RGS7: variants seen among roughly 807,000 people sequenced by gnomAD.
RGS7 encodes the protein regulator of G protein signaling 7, also known as regulator of G-protein signaling 7.
Under a neutral mutation model 81.1 loss-of-function variants are expected in RGS7, and 27 were observed. That is an observed-to-expected ratio of 0.33 (90% confidence interval 0.25 to 0.46). The LOEUF (loss-of-function observed/expected upper bound fraction) is 0.46, where lower values mean the gene tolerates loss of function less well. Ranked by LOEUF, RGS7 falls within the 20% of genes least tolerant of loss-of-function variation. The pLI is 1.00. For missense variants in RGS7, 396 were observed against 607.4 expected (o/e 0.65, Z 3.66); for synonymous variants, 208 against 207.7 (o/e 1.00, Z -0.01).
In RGS7 at chr1:241,196,488, G is replaced by A. The variant is rs866380661; in HGVS notation, c.79-97726C>T. Among the ~76,000 whole-genome samples the A allele has an allele frequency of 2.0e-4, 30 of 152,058 alleles. 1 individual carries two copies. The highest frequency in any genetic ancestry group is 6.8e-3 in the Middle Eastern group (2 of 292). On this transcript the variant is annotated intron_variant, in intron 2 of 18. Coordinates refer to ENST00000440928, the MANE Select transcript of RGS7 (RefSeq NM_001364886.1). ...AAAAATATTTGACCAGCTAACAAGA[G>A]GGAAAGAAAAACCAGACAGTGCACA...
At chr1:240,825,113 A>G (rs1252517671) in intron 10 of RGS7, among the ~76,000 whole-genome samples, 3 of 152,188 alleles carry the variant, frequency 2.0e-5, no homozygotes, top group African/African-American at 7.2e-5. Context: ...TCATATACTT[A>G]TATCCATGTA....
At position 241,316,390 on chromosome 1, in the gene RGS7, T is replaced by C. The variant is rs531850282; in HGVS notation, c.78+39309A>G. ...AGGATGGGGCTGAAAGTCCCTACCT[T>C]CTAATCATGCCTTGGTCTTTCCAGT... On this transcript the variant is annotated intron_variant, in intron 2 of 18. Transcript: ENST00000440928. Among the ~76,000 whole-genome samples, 213 of 152,280 alleles carry C rather than the reference T, an allele frequency of 1.4e-3. 2 individuals are homozygous for C. The highest frequency in any genetic ancestry group is 1.9e-4 in the Non-Finnish European group (13 of 68,030).
intron 2 of RGS7, among the ~76,000 whole-genome samples, chr1:241,130,746 GCATT>G (rs2067019541): frequency 7.4e-6 from 1 of 134,312 alleles, no homozygotes; most frequent in African/African-American, 4.0e-5. Flanking sequence ...ACTTCCCTGA[GCATT>G]GCTTTCTTAT....
chr1:241,171,745 A>C (rs1032299120), intron 2 of RGS7, among the ~76,000 whole-genome samples: 3 of 152,218 alleles, frequency 2.0e-5, no homozygotes, highest in Non-Finnish European at 4.4e-5. Context: ...AGGTCCACGA[A>C]TGGGAAGAAC....
At chr1:240,932,142 T>A (rs1310092924) in intron 5 of RGS7, among the ~76,000 whole-genome samples, 1 of 152,152 alleles carries the variant, frequency 6.6e-6, no homozygotes, top group East Asian at 1.9e-4. Flanking sequence ...ACTGTTTGAA[T>A]CTCTACAGAA....
chr1:241,325,356 G>T (rs1011646305), intron 2 of RGS7, among the ~76,000 whole-genome samples: 1 of 152,208 alleles, frequency 6.6e-6, no homozygotes, highest in Non-Finnish European at 1.5e-5. Context: ...TAGTTACACA[G>T]AACTCATAGG....
intron 2 of RGS7, among the ~76,000 whole-genome samples, chr1:241,302,998 T>C (rs2079865874): frequency 6.8e-6 from 1 of 146,362 alleles, no homozygotes; most frequent in South Asian, 2.2e-4. Flanking sequence ...CACGGACCCA[T>C]GACTTCATGA....
chr1:241,083,498 C>A (rs972506430), intron 3 of RGS7, among the ~76,000 whole-genome samples: 1 of 152,076 alleles, frequency 6.6e-6, no homozygotes, highest in African/African-American at 2.4e-5. Flanking sequence ...TTCCGCAGCT[C>A]GATTGGCTAT....
intron 6 of RGS7, among the ~76,000 whole-genome samples, chr1:240,871,015 A>T (rs2148033217): frequency 6.6e-6 from 1 of 152,236 alleles, no homozygotes; most frequent in Non-Finnish European, 1.5e-5. Flanking sequence ...TGGGCAGCAG[A>T]TTTATAGGAG....
chr1:241,195,524 G>A (rs1327600276), intron 2 of RGS7, among the ~76,000 whole-genome samples: 1 of 151,992 alleles, frequency 6.6e-6, no homozygotes, highest in Non-Finnish European at 1.5e-5. Context: ...GCTAACAAGA[G>A]GGAAAGAAAA....
intron 2 of RGS7, among the ~76,000 whole-genome samples, chr1:241,284,929 G>A (rs1409145282): frequency 1.3e-5 from 2 of 151,914 alleles, no homozygotes; most frequent in African/African-American, 2.4e-5. Context: ...GGAGTGCAGT[G>A]GCACGATCTC....
intron 2 of RGS7, among the ~76,000 whole-genome samples, chr1:241,183,402 G>T (rs1487914799): frequency 6.6e-6 from 1 of 152,140 alleles, no homozygotes; most frequent in Non-Finnish European, 1.5e-5. Flanking sequence ...TTCTGGCCTG[G>T]CCCATACTAT....
chr1:241,130,779 G>T (rs980545632), intron 2 of RGS7, among the ~76,000 whole-genome samples: 1 of 148,656 alleles, frequency 6.7e-6, no homozygotes, highest in Non-Finnish European at 1.5e-5. Context: ...CTAAGGATTG[G>T]ATTTGGTGTT....
chr1:241,059,891 C>G (rs1028366054), intron 3 of RGS7, among the ~76,000 whole-genome samples: 1 of 150,006 alleles, frequency 6.7e-6, no homozygotes, highest in Non-Finnish European at 1.5e-5. Flanking sequence ...AATGGATCTA[C>G]ACTCACTCAA....
intron 2 of RGS7, among the ~76,000 whole-genome samples, chr1:241,343,134 C>T (rs1215289246): frequency 6.6e-6 from 1 of 151,978 alleles, no homozygotes; most frequent in Non-Finnish European, 1.5e-5. Flanking sequence ...TGGTGGTGCG[C>T]ACCTGTAGCC....
At chr1:241,342,985 A>G (rs6668783) in intron 2 of RGS7, among the ~76,000 whole-genome samples, 148,227 of 152,198 alleles carry the variant, frequency 0.97, 72,233 homozygotes, top group East Asian at 1. Context: ...AGTATAGGCC[A>G]GGTGCGGTGG....
chr1:241,005,856 A>T (rs972316991), intron 3 of RGS7, among the ~76,000 whole-genome samples: 1 of 152,170 alleles, frequency 6.6e-6, no homozygotes, highest in African/African-American at 2.4e-5. Context: ...CTTTTGCTCA[A>T]CATACTGCTT....
At chr1:240,969,584 CCT>C (rs1236647358) in intron 4 of RGS7, among the ~76,000 whole-genome samples, 2 of 152,146 alleles carry the variant, frequency 1.3e-5, no homozygotes, top group Non-Finnish European at 2.9e-5. Flanking sequence ...TTTGTATTTT[CCT>C]TAATAGCTGA....
At chr1:241,178,079 G>T (rs376622252) in intron 2 of RGS7, among the ~76,000 whole-genome samples, 9 of 152,242 alleles carry the variant, frequency 5.9e-5, no homozygotes, top group South Asian at 2.1e-4. Flanking sequence ...TCGAGGCCAG[G>T]AGTTCAAGAA....
Sources: allele counts gnomAD v4.1 joint callset (sites outside exome capture counted in the v4.1 genomes callset), GRCh38; gene constraint gnomAD v4.1.1; transcripts MANE v1.5; gene names NCBI Gene and HGNC (gene_info 2026-07-23, HGNC 2026-07-21).